The following NCKAP1 variants were observed in gnomAD, a reference collection of about 807,000 sequenced individuals.
NCKAP1 encodes the protein nck-associated protein 1.
A neutral mutation model predicts 151.2 loss-of-function variants in NCKAP1; 21 were observed. The ratio of observed to expected loss-of-function variants is 0.14; its 90% CI spans 0.10 to 0.20. NCKAP1 has a LOEUF of 0.20. Among genes scored for constraint, NCKAP1 ranks in the 10% least tolerant of loss-of-function variants. The pLI is 1.00. For missense variants in NCKAP1, 933 were observed against 1,352.1 expected (o/e 0.69, Z 4.86); for synonymous variants, 484 against 451.8 (o/e 1.07, Z -0.90).
At chr2:183,032,643 T>C (rs1263154388) in intron 1 of NCKAP1, among the ~76,000 whole-genome samples, 1 of 152,204 alleles carries the variant, frequency 6.6e-6, no homozygotes, top group Admixed American at 6.5e-5. Context: ...ATCATTTCAG[T>C]GTTATGTGAA....
At chr2:182,936,711 T>G (rs1696882982) in intron 24 of NCKAP1, among the ~76,000 whole-genome samples, 1 of 152,122 alleles carries the variant, frequency 6.6e-6, no homozygotes, top group Non-Finnish European at 1.5e-5. Context: ...GAATTAAAAG[T>G]CATGTTAACA....
intron 1 of NCKAP1, among the ~76,000 whole-genome samples, chr2:183,037,530 C>A (rs532227474): frequency 6.6e-6 from 1 of 152,330 alleles, no homozygotes; most frequent in Admixed American, 6.5e-5. Flanking sequence ...TACCCACATT[C>A]CCACACCAAA....
chr2:182,951,040 C>T (rs1196642423), intron 23 of NCKAP1, among the ~76,000 whole-genome samples: 1 of 151,860 alleles, frequency 6.6e-6, no homozygotes, highest in Non-Finnish European at 1.5e-5. Flanking sequence ...ACCATGTTGG[C>T]CAGGCTGGTC....
chr2:183,010,406 T>C (rs1159392994), intron 2 of NCKAP1, among the ~76,000 whole-genome samples: 1 of 152,168 alleles, frequency 6.6e-6, no homozygotes, highest in Non-Finnish European at 1.5e-5. Context: ...TCCCCCAGAA[T>C]GCACCAGTGG....
Position 183,002,271 on chromosome 2 carries a change from T to A in NCKAP1, c.370-2A>T. 1 of 1,489,290 alleles carries A rather than the reference T, an allele frequency of 6.7e-7. No individual in the cohort carries two copies. Among genetic ancestry groups the A allele is most frequent in the Non-Finnish European group, 9.1e-7 (1 of 1,095,746 alleles). The allele number at this position is 1,489,290 out of a possible 1,614,324, so 92.3% of individuals were successfully genotyped here. A position where few individuals can be genotyped will look rare whatever the true frequency, so the allele number is the denominator to read the frequency against. ...CTTTGTTAAATCAAAGTTTACAGTC[T>A]AGGAGAAAAAAAAATCAAGTTCAAC... On this transcript the variant is annotated splice_acceptor_variant, in intron 4 of 30. Coordinates refer to ENST00000361354, the MANE Select transcript of NCKAP1 (RefSeq NM_013436.5). LOFTEE classifies it high-confidence loss of function.
At chr2:182,964,194 T>C (rs1167640785) in intron 17 of NCKAP1, among the ~76,000 whole-genome samples, 2 of 152,186 alleles carry the variant, frequency 1.3e-5, no homozygotes, top group African/African-American at 4.8e-5. Flanking sequence ...CAACTGTGTG[T>C]GTGTATGCAC....
At position 182,913,969 on chromosome 2, in the gene NCKAP1, GA is replaced by G. The variant is rs552096178; in HGVS notation, c.*11732del. 53 of 152,364 alleles carry G rather than the reference GA, an allele frequency of 3.5e-4. 2 individuals carry two copies. The highest frequency in any genetic ancestry group is 3.4e-3 in the Admixed American group (52 of 15,294). The allele number at this position is 152,364 out of a possible 1,614,324, so 9.4% of individuals were successfully genotyped here. Reference sequence around the variant, plus strand: ...CAGCCTCTTGGTTCTAACTTAGTGAGAAAACTCTGATAAGAACCCACCATTT... The same window carrying G: ...CAGCCTCTTGGTTCTAACTTAGTGAGAAACTCTGATAAGAACCCACCATTT... On this transcript the variant is annotated 3_prime_UTR_variant, in exon 31 of 31. Transcript: ENST00000361354.
Position 183,023,815 on chromosome 2 carries a change from G to A in NCKAP1, c.210C>T (p.Arg70=). ...IVRKFPAVET[R]NNNQQLAQLQ... ...AATTTAGATAACTTACATTGTTGTT[G>A]CGGGTTTCTACAGCAGGGAATTTTC... The change falls in exon 2 of 31, where the codon CGC becomes CGT. Residue 70 remains arginine (R), a synonymous_variant. Coordinates refer to ENST00000361354, the MANE Select transcript of NCKAP1 (RefSeq NM_013436.5). The A allele has an allele frequency of 6.2e-7, 1 of 1,606,958 alleles. No individual in the cohort carries two copies. The highest frequency in any genetic ancestry group is 8.5e-7 in the Non-Finnish European group (1 of 1,174,146).
chr2:182,953,064 C>A, intron 21 of NCKAP1, 49 bp downstream of exon 21: 1 of 1,532,660 alleles, frequency 6.5e-7, no homozygotes, highest in Non-Finnish European at 8.8e-7. Flanking sequence ...TTCCTAAGTA[C>A]TTCATTACAA....
rs1349182824 is a variant in NCKAP1, at chr2:182,977,311, G to A, written c.1424-360C>T. Among the ~76,000 whole-genome samples the A allele has an allele frequency of 5.3e-5, 8 of 152,170 alleles. No homozygotes were observed. In the South Asian group the frequency reaches 6.2e-4, roughly 12 times the overall value. On this transcript the variant is annotated intron_variant, in intron 14 of 30. Transcript: ENST00000361354. ...TTGAGACTAGCCTGGCCAACGTAGT[G>A]AAACCCCATCTCTACTAAAAATACA...
At chr2:182,930,674 A>G in intron 27 of NCKAP1, 21 bp downstream of exon 27, 1 of 1,587,890 alleles carries the variant, frequency 6.3e-7, no homozygotes, top group African/African-American at 1.3e-5. Context: ...AGAGTATTAA[A>G]TATTTACTAA....
At position 182,981,649 on chromosome 2, in the gene NCKAP1, C is replaced by A. The variant is rs549579321; in HGVS notation, c.1209-273G>T. ...CAGGGCCGGGCACAGTGGCTCACGA[C>A]TGTAATTACAGCACTTTGGGAGGCC... On this transcript the variant is annotated intron_variant, in intron 12 of 30. Transcript: ENST00000361354. Among the ~76,000 whole-genome samples the A allele has an allele frequency of 6.7e-3, 1,026 of 152,180 alleles. 13 individuals carry two copies. The highest frequency in any genetic ancestry group is 0.024 in the African/African-American group (983 of 41,516).
At chr2:183,020,990 G>T (rs1446222841) in intron 2 of NCKAP1, among the ~76,000 whole-genome samples, 1 of 152,080 alleles carries the variant, frequency 6.6e-6, no homozygotes, top group African/African-American at 2.4e-5. Context: ...ACAAAGAATA[G>T]TTGTAAAGGC....
Position 182,952,830 on chromosome 2 carries a change from T to C in NCKAP1, c.2466A>G (p.Glu822=), listed in dbSNP as rs757663124. 2 of 1,611,686 alleles carry C rather than the reference T, an allele frequency of 1.2e-6. No homozygotes were observed. The highest frequency in any genetic ancestry group is 1.7e-6 in the Non-Finnish European group (2 of 1,178,416). The change falls in exon 22 of 31, where the codon GAA becomes GAG. Residue 822 remains glutamate, a synonymous_variant. Transcript: ENST00000361354. ...KAFVNLPTEN[E]LTFNAEEYSD... ...AATATTCCTCTGCATTGAATGTTAA[T>C]TCATTTTCTGTAGGTAAGTTCACAA...
chr2:182,938,520 TG>T (rs990607491), intron 24 of NCKAP1, among the ~76,000 whole-genome samples: 2 of 151,890 alleles, frequency 1.3e-5, no homozygotes, highest in African/African-American at 2.4e-5. Context: ...TTCAGGAAAG[TG>T]GACATATTAC....
intron 23 of NCKAP1, among the ~76,000 whole-genome samples, chr2:182,942,405 TA>T (rs1327724716): frequency 1.3e-5 from 2 of 152,028 alleles, no homozygotes; most frequent in Non-Finnish European, 2.9e-5. Flanking sequence ...GCAACAAAGG[TA>T]AGTAGTAGGA....
At chr2:182,942,935 G>C (rs1481932842) in intron 23 of NCKAP1, among the ~76,000 whole-genome samples, 13 of 152,126 alleles carry the variant, frequency 8.5e-5, no homozygotes, top group Non-Finnish European at 1.9e-4. Context: ...AGAGAAGTGA[G>C]AGAGACATTC....
At chr2:182,985,716 T>C (rs1414655255) in intron 10 of NCKAP1, among the ~76,000 whole-genome samples, 2 of 151,498 alleles carry the variant, frequency 1.3e-5, no homozygotes, top group South Asian at 2.1e-4. Flanking sequence ...GGCAGGAGAA[T>C]TGCTTGAACC....
In NCKAP1 at chr2:182,976,904, A is replaced by G; in HGVS notation, c.1471T>C (p.Phe491Leu). Residue 491 changes from phenylalanine (F) to leucine (L), a missense_variant, in exon 15 of 31, where the codon TTT (phenylalanine) becomes CTT (leucine). Coordinates refer to ENST00000361354, the MANE Select transcript of NCKAP1 (RefSeq NM_013436.5). The stretch of plus-strand genomic sequence containing the variant: ...AAGGTTATTCTTACCTGTAACCTAA[A>G]CCAATCTAATCTCATTCCTCTGAAA... ...FDFRGMRLDW[F>L]RLQAYTSVSK... is the part of the protein sequence containing the mutation. 1 of 1,540,830 alleles carries G rather than the reference A, an allele frequency of 6.5e-7. No individual in the cohort carries two copies. Among genetic ancestry groups the G allele is most frequent in the Non-Finnish European group, 8.7e-7 (1 of 1,143,466 alleles).
Sources: gnomAD v4.1 joint callset for allele counts (sites outside exome capture counted in the v4.1 genomes callset) on GRCh38, gnomAD v4.1.1 for gene constraint, MANE v1.5 for transcripts, NCBI Gene and HGNC (gene_info 2026-07-23, HGNC 2026-07-21) for gene names.